DSCAM: variants seen among roughly 807,000 people sequenced by gnomAD.
DSCAM encodes DS cell adhesion molecule, also known as cell adhesion molecule DSCAM.
DSCAM carries 47 observed loss-of-function variants against 217.7 expected under a neutral mutation model. The observed-to-expected ratio is 0.22, with a 90% CI of 0.17 to 0.28. The LOEUF is 0.28. Ranked by LOEUF, DSCAM falls within the 10% of genes least tolerant of loss-of-function variation. The pLI, the probability that DSCAM is intolerant of heterozygous loss-of-function variation, is 1.00. For missense variants in DSCAM, 2,080 were observed against 2,618.3 expected, an observed-to-expected ratio of 0.79 and a Z score of 4.49; for synonymous variants, 1,056 against 1,015.3, an observed-to-expected ratio of 1.04 and a Z score of -0.76.
intron 3 of DSCAM, among the ~76,000 whole-genome samples, chr21:40,618,042 G>C (rs1243391841): frequency 6.6e-6 from 1 of 152,214 alleles, no homozygotes; most frequent in Non-Finnish European, 1.5e-5. Context: ...TGCTTTCTAA[G>C]GAGAACTTTA....
intron 3 of DSCAM, among the ~76,000 whole-genome samples, chr21:40,456,002 T>C (rs923221568): frequency 3.3e-5 from 5 of 152,112 alleles, no homozygotes; most frequent in African/African-American, 1.2e-4. Context: ...GACGAGTTAA[T>C]GGGTGCAGCA....
intron 11 of DSCAM, among the ~76,000 whole-genome samples, chr21:40,209,435 C>T (rs1296520717): frequency 1.3e-5 from 2 of 152,204 alleles, no homozygotes; most frequent in African/African-American, 2.4e-5. Flanking sequence ...CTCTTTTCCA[C>T]TCTTACCCTT....
intron 3 of DSCAM, among the ~76,000 whole-genome samples, chr21:40,632,823 A>G (rs2089710030): frequency 6.6e-6 from 1 of 152,212 alleles, no homozygotes; most frequent in African/African-American, 2.4e-5. Context: ...TGGAATGGAA[A>G]GATGGACGTG....
chr21:40,299,686 G>A (rs2073992991), intron 9 of DSCAM, among the ~76,000 whole-genome samples: 1 of 152,092 alleles, frequency 6.6e-6, no homozygotes, highest in Admixed American at 6.5e-5. Context: ...GGGAGTGTCT[G>A]AATGAGGACC....
At chr21:40,692,785 T>C in intron 3 of DSCAM, 25 bp downstream of exon 3, 1 of 1,604,764 alleles carries the variant, frequency 6.2e-7, no homozygotes, top group Non-Finnish European at 8.5e-7. Context: ...CGTGGTGTCC[T>C]GCACCCTGGA....
chr21:40,434,397 C>G (rs953996383), intron 3 of DSCAM, among the ~76,000 whole-genome samples: 2 of 152,116 alleles, frequency 1.3e-5, no homozygotes, highest in African/African-American at 4.8e-5. Context: ...TAAACAAAAC[C>G]CTTTCTTGAA....
chr21:40,708,897 A>G, intron 1 of DSCAM, 126 bp from the exon 2 acceptor site: 1 of 632,686 alleles, frequency 1.6e-6, no homozygotes, highest in South Asian at 5.2e-5. Context: ...AATAAAACCA[A>G]ATAATTCAAA....
intron 3 of DSCAM, among the ~76,000 whole-genome samples, chr21:40,376,211 G>T (rs566541487): frequency 6.6e-6 from 1 of 151,972 alleles, no homozygotes; most frequent in African/African-American, 2.4e-5. Context: ...TCTCAGCTGC[G>T]CCTGCCGTCG....
chr21:40,227,517 G>T (rs2091344176), intron 11 of DSCAM, among the ~76,000 whole-genome samples: 1 of 152,176 alleles, frequency 6.6e-6, no homozygotes, highest in African/African-American at 2.4e-5. Flanking sequence ...GCTGTCTCAA[G>T]TTCTTCCCAT....
At chr21:40,235,687 T>C (rs575641714) in intron 11 of DSCAM, among the ~76,000 whole-genome samples, 8 of 152,256 alleles carry the variant, frequency 5.3e-5, no homozygotes, top group African/African-American at 1.9e-4. Flanking sequence ...TGTATTCATC[T>C]GCAAGCAAAT....
At chr21:40,792,218 A>G (rs567141499) in intron 1 of DSCAM, among the ~76,000 whole-genome samples, 127 of 144,576 alleles carry the variant, frequency 8.8e-4, no homozygotes, top group African/African-American at 3.2e-3. Context: ...GGCTCACTGC[A>G]ACCTCAACTT....
rs544960103 is a variant in DSCAM, at chr21:40,465,401, G to C, written c.509-96156C>G. On this transcript the variant is annotated intron_variant, in intron 3 of 32. Transcript: ENST00000400454. ...AAGCTCTGTTTGAACATTTGATATAGAACTGCATGTGAAAAGGTACCTTCA... is the reference window on the plus strand; with the variant it reads ...AAGCTCTGTTTGAACATTTGATATACAACTGCATGTGAAAAGGTACCTTCA... 2.0e-5 allele frequency among the ~76,000 whole-genome samples: 3 copies of C among 152,198 alleles called. No homozygotes were observed. In the South Asian group the frequency reaches 6.2e-4, roughly 32 times the overall value.
chr21:40,637,595 A>ATATATATC (rs2089814400), intron 3 of DSCAM, among the ~76,000 whole-genome samples: 1 of 63,064 alleles, frequency 1.6e-5, no homozygotes, highest in African/African-American at 6.4e-5. Flanking sequence ...ACATATATAA[A>ATATATATC]TATATATATA....
At chr21:40,620,878 A>C (rs1467275037) in intron 3 of DSCAM, among the ~76,000 whole-genome samples, 1 of 152,158 alleles carries the variant, frequency 6.6e-6, no homozygotes, top group Admixed American at 6.5e-5. Context: ...GAGACAATAA[A>C]CCGGGTTCCA....
At chr21:40,698,043 T>C (rs773922324) in intron 2 of DSCAM, among the ~76,000 whole-genome samples, 1 of 152,214 alleles carries the variant, frequency 6.6e-6, no homozygotes, top group African/African-American at 2.4e-5. Context: ...ATATCTACTA[T>C]AGGTTTTTAC....
intron 3 of DSCAM, among the ~76,000 whole-genome samples, chr21:40,598,648 G>A (rs1351348364): frequency 1.3e-5 from 2 of 151,896 alleles, no homozygotes; most frequent in Non-Finnish European, 1.5e-5. Flanking sequence ...GGGATTACAG[G>A]TGCACGCCAT....
intron 3 of DSCAM, among the ~76,000 whole-genome samples, chr21:40,494,277 C>T (rs576546647): frequency 6.6e-6 from 1 of 152,224 alleles, no homozygotes; most frequent in South Asian, 2.1e-4. Context: ...AAAAAGAACA[C>T]AACATGACCC....
chr21:40,193,433 T>TA (rs2090973937), intron 11 of DSCAM, among the ~76,000 whole-genome samples: 1 of 152,074 alleles, frequency 6.6e-6, no homozygotes. Flanking sequence ...TGTGAATAAA[T>TA]AAATTACAGG....
chr21:40,523,850 T>C (rs909011218), intron 3 of DSCAM, among the ~76,000 whole-genome samples: 3 of 152,006 alleles, frequency 2.0e-5, no homozygotes, highest in African/African-American at 7.2e-5. Flanking sequence ...AACATTCACC[T>C]CTAGACGCTG....
Sources: allele counts gnomAD v4.1 joint callset (sites outside exome capture counted in the v4.1 genomes callset), GRCh38; gene constraint gnomAD v4.1.1; transcripts MANE v1.5; gene names NCBI Gene and HGNC (gene_info 2026-07-23, HGNC 2026-07-21).